The following OSBPL10 variants were observed in gnomAD, a reference collection of about 807,000 sequenced individuals.
OSBPL10 encodes the protein oxysterol-binding protein-related protein 10.
A neutral mutation model predicts 81.7 loss-of-function variants in OSBPL10; 49 were observed. The observed-to-expected ratio is 0.60, with a 90% CI of 0.48 to 0.76. OSBPL10 has a LOEUF of 0.76. OSBPL10 is among the 30% of genes least tolerant of loss of function. The pLI is 0.00. For synonymous variants in OSBPL10, 419 were observed against 383.6 expected, an observed-to-expected ratio of 1.09 and a Z score of -1.08; for missense variants, 923 against 987.8, an observed-to-expected ratio of 0.93 and a Z score of 0.88.
At position 31,989,496 on chromosome 3, in the gene OSBPL10, C is replaced by T. The variant is rs748029616; in HGVS notation, n.298+56995G>A. 6 of 1,614,150 alleles carry T rather than the reference C, an allele frequency of 3.7e-6. No individual in the cohort carries two copies. The Admixed American group carries it at 1.0e-4, about 27-fold the overall frequency. On this transcript the variant is annotated intron_variant and non_coding_transcript_variant, in intron 2 of 3. Transcript: ENST00000479173. ...TCAAAAAGTTGACTGGTAGCACCGACAGATATGATCGAAGGCATCCTGGAA... is the reference window on the plus strand; with the variant it reads ...TCAAAAAGTTGACTGGTAGCACCGATAGATATGATCGAAGGCATCCTGGAA...
In OSBPL10 at chr3:31,969,047, A is replaced by C. The variant is rs76731213; in HGVS notation, c.281+11852T>G. Among the ~76,000 whole-genome samples, 68 of 152,316 alleles carry C rather than the reference A, an allele frequency of 4.5e-4. No homozygotes were observed. In the East Asian group the frequency reaches 9.6e-3, roughly 22 times the overall value. Reference sequence around the variant, plus strand: ...ATGAGTCTGCTGCAGTACACACACAAAAAAGTTCTGTGCTGTGTGGTTAGC... The same window carrying C: ...ATGAGTCTGCTGCAGTACACACACACAAAAGTTCTGTGCTGTGTGGTTAGC... On this transcript the variant is annotated intron_variant, in intron 1 of 11. Transcript: ENST00000396556.
chr3:31,826,171 G>A (rs1046842059), intron 4 of OSBPL10, among the ~76,000 whole-genome samples: 1 of 152,284 alleles, frequency 6.6e-6, no homozygotes, highest in African/African-American at 2.4e-5. Flanking sequence ...TGGCAATGCA[G>A]TTTGGTTTAT....
intron 2 of OSBPL10, among the ~76,000 whole-genome samples, chr3:31,998,044 C>T (rs1354072476): frequency 3.3e-5 from 5 of 152,116 alleles, no homozygotes; most frequent in Non-Finnish European, 5.9e-5. Context: ...CCTCCCGCCT[C>T]GGCCTCCTGA....
intron 11 of OSBPL10, chr3:31,663,238 C>T (rs1474647621): frequency 2.0e-6 from 2 of 983,894 alleles, no homozygotes; most frequent in Non-Finnish European, 2.4e-6. Flanking sequence ...AATCTTTGAC[C>T]ATGCAAATAT....
chr3:31,695,099 G>A (rs1321952419), intron 7 of OSBPL10, among the ~76,000 whole-genome samples: 2 of 152,252 alleles, frequency 1.3e-5, no homozygotes, highest in East Asian at 1.9e-4. Context: ...GCTATGAATT[G>A]GGTATCTTTA....
intron 3 of OSBPL10, among the ~76,000 whole-genome samples, chr3:31,833,273 C>T (rs1468193219): frequency 1.3e-5 from 2 of 152,136 alleles, no homozygotes; most frequent in East Asian, 3.9e-4. Context: ...CATACACACA[C>T]CTCTATCCCC....
At chr3:31,698,572 C>T (rs1017304194) in intron 7 of OSBPL10, among the ~76,000 whole-genome samples, 1 of 152,166 alleles carries the variant, frequency 6.6e-6, no homozygotes, top group Non-Finnish European at 1.5e-5. Context: ...ATATCCTAAA[C>T]GGCCCTATAA....
chr3:31,790,667 G>A (rs1256432558), intron 4 of OSBPL10, among the ~76,000 whole-genome samples: 2 of 152,142 alleles, frequency 1.3e-5, no homozygotes, highest in African/African-American at 4.8e-5. Flanking sequence ...CGGAACTGGA[G>A]CCAATCCTTG....
chr3:31,831,343 T>G (rs1575572279), intron 3 of OSBPL10, among the ~76,000 whole-genome samples: 2 of 148,296 alleles, frequency 1.3e-5, no homozygotes, highest in Admixed American at 1.3e-4. Context: ...GAGGCGGAGG[T>G]TGCAGTGAGC....
chr3:31,711,492 G>T (rs73066091), intron 6 of OSBPL10, among the ~76,000 whole-genome samples: 5 of 152,128 alleles, frequency 3.3e-5, no homozygotes, highest in African/African-American at 9.7e-5. Flanking sequence ...CAACACAAAG[G>T]GTGGTTTATA....
At chr3:31,808,946 T>C (rs1699594115) in intron 4 of OSBPL10, among the ~76,000 whole-genome samples, 1 of 152,210 alleles carries the variant, frequency 6.6e-6, no homozygotes, top group Non-Finnish European at 1.5e-5. Flanking sequence ...CTGGACTTCG[T>C]AAAACTCTTA....
chr3:31,728,459 T>G (rs1247720294), intron 6 of OSBPL10, among the ~76,000 whole-genome samples: 3 of 152,348 alleles, frequency 2.0e-5, no homozygotes, highest in African/African-American at 7.2e-5. Flanking sequence ...TATTTTTCAT[T>G]GCTCCCCCTT....
intron 1 of OSBPL10, among the ~76,000 whole-genome samples, chr3:32,076,088 G>A (rs996890836): frequency 1.6e-4 from 24 of 152,128 alleles, no homozygotes; most frequent in African/African-American, 5.6e-4. Context: ...CTAATGATAT[G>A]GCCAGGCGCG....
At chr3:31,946,251 A>G (rs1697699902) in intron 1 of OSBPL10, among the ~76,000 whole-genome samples, 1 of 152,144 alleles carries the variant, frequency 6.6e-6, no homozygotes, top group Admixed American at 6.6e-5. Flanking sequence ...AAGTGCTAAA[A>G]TTATAGGCGT....
intron 2 of OSBPL10, among the ~76,000 whole-genome samples, chr3:31,998,937 T>A (rs1188484781): frequency 6.6e-6 from 1 of 152,236 alleles, no homozygotes; most frequent in Non-Finnish European, 1.5e-5. Flanking sequence ...TTAGTATAAG[T>A]GGATATTTAA....
intron 4 of OSBPL10, among the ~76,000 whole-genome samples, chr3:31,799,649 C>T (rs917884192): frequency 6.6e-6 from 1 of 152,124 alleles, no homozygotes; most frequent in African/African-American, 2.4e-5. Context: ...ATTTATTAAC[C>T]TCCTTTAACA....
Position 32,066,037 on chromosome 3 carries a change from G to A in OSBPL10, n.185+11359C>T, listed in dbSNP as rs1252634326. On this transcript the variant is annotated intron_variant and non_coding_transcript_variant, in intron 1 of 3. Transcript: ENST00000479173. ...AGAAAGAAAGAAAGAGAGAGAGAGA[G>A]AAAGAGAAAGAGAAGGTTGCAAGGT... is the stretch of plus-strand genomic sequence containing the variant. 3.5e-5 allele frequency among the ~76,000 whole-genome samples: 3 copies of A among 84,820 alleles called. 1 individual carries two copies. 55.6% of individuals were successfully genotyped at this position (84,820 alleles called of 152,430 possible).
At chr3:31,751,428 A>G (rs892509795) in intron 4 of OSBPL10, among the ~76,000 whole-genome samples, 2 of 152,172 alleles carry the variant, frequency 1.3e-5, no homozygotes, top group African/African-American at 2.4e-5. Flanking sequence ...ATTCATCCGT[A>G]TTTACTGAGA....
intron 4 of OSBPL10, among the ~76,000 whole-genome samples, chr3:31,761,591 C>T (rs1421054766): frequency 3.3e-5 from 5 of 151,500 alleles, no homozygotes; most frequent in South Asian, 4.2e-4. Context: ...CCGAAGTGGG[C>T]GGATCACTTG....
Sources: gnomAD v4.1 joint callset for allele counts (sites outside exome capture counted in the v4.1 genomes callset) on GRCh38, gnomAD v4.1.1 for gene constraint, MANE v1.5 for transcripts, NCBI Gene and HGNC (gene_info 2026-07-23, HGNC 2026-07-21) for gene names.